The following RPTOR variants were observed in gnomAD, a reference collection of about 807,000 sequenced individuals.
RPTOR encodes the protein regulatory-associated protein of mTOR.
Under a neutral mutation model 169.9 loss-of-function variants are expected in RPTOR, and 21 were observed. That is an observed-to-expected ratio of 0.12 (90% CI 0.09 to 0.18). The LOEUF is 0.18. RPTOR is among the 10% of genes least tolerant of loss of function. RPTOR has a pLI of 1.00. For missense variants in RPTOR, 1,133 were observed against 1,855.9 expected (o/e 0.61, Z 7.16); for synonymous variants, 732 against 753.2 (o/e 0.97, Z 0.46).
In RPTOR at chr17:80,925,388, G is replaced by C; in HGVS notation, c.2827G>C (p.Asp943His). The C allele has an allele frequency of 6.2e-7, 1 of 1,613,664 alleles. No homozygotes were observed. The highest frequency in any genetic ancestry group is 1.1e-5 in the South Asian group (1 of 91,076). Residue 943 changes from aspartate to histidine, a missense_variant, in exon 24 of 34, where the codon GAT becomes CAT. Transcript: ENST00000306801. ...GPEQTADDAD[D>H]AAGHKSFISA... ...CCTGAAGACTGCGGACGACGCGGAC[G>C]ATGCTGCTGGACACAAAAGTTTCAT...
intron 6 of RPTOR, among the ~76,000 whole-genome samples, chr17:80,773,638 A>G (rs1009990109): frequency 2.0e-5 from 3 of 152,108 alleles, no homozygotes; most frequent in Non-Finnish European, 4.4e-5. Context: ...GTTTGTTTAC[A>G]AGGCAGCCCC....
chr17:80,588,653 A>C (rs542941218), intron 1 of RPTOR, among the ~76,000 whole-genome samples: 2 of 152,252 alleles, frequency 1.3e-5, no homozygotes, highest in African/African-American at 4.8e-5. Flanking sequence ...TTTCTTCATG[A>C]CTAATGAAAT....
At chr17:80,864,373 T>C (rs1483223924) in intron 13 of RPTOR, among the ~76,000 whole-genome samples, 1 of 145,870 alleles carries the variant, frequency 6.9e-6, no homozygotes, top group Non-Finnish European at 1.5e-5. Flanking sequence ...AAGGTGAGAA[T>C]GATGGCAAGT....
At chr17:80,689,870 T>C (rs1034290816) in intron 3 of RPTOR, among the ~76,000 whole-genome samples, 1 of 152,344 alleles carries the variant, frequency 6.6e-6, no homozygotes, top group Middle Eastern at 3.4e-3. Flanking sequence ...ATGTGTACCT[T>C]TGCTAAAAAC....
intron 19 of RPTOR, among the ~76,000 whole-genome samples, chr17:80,893,224 CTGTGTGTGCGCCGG>C (rs1359210403): frequency 1.3e-5 from 2 of 152,084 alleles, no homozygotes; most frequent in African/African-American, 2.4e-5. Flanking sequence ...GTGCCTGTGC[CTGTGTGTGCGCCGG>C]GGCGTGTGTG....
At chr17:80,828,008 G>A (rs563150806) in intron 9 of RPTOR, among the ~76,000 whole-genome samples, 2 of 152,214 alleles carry the variant, frequency 1.3e-5, no homozygotes, top group Admixed American at 1.3e-4. Flanking sequence ...AGCGGCGTAC[G>A]TGCTGAGTCA....
At chr17:80,916,007 T>C (rs982341383) in intron 21 of RPTOR, among the ~76,000 whole-genome samples, 5 of 152,156 alleles carry the variant, frequency 3.3e-5, no homozygotes, top group Non-Finnish European at 7.3e-5. Context: ...GCTATTCTGT[T>C]GCTCAGTAAA....
At chr17:80,900,095 C>T (rs1422151159) in intron 20 of RPTOR, among the ~76,000 whole-genome samples, 4 of 152,108 alleles carry the variant, frequency 2.6e-5, no homozygotes. Context: ...CAGAAGTGGG[C>T]GTCCTCCCTC....
At position 80,958,559 on chromosome 17, in the gene RPTOR, C is replaced by T. The variant is rs60404520; in HGVS notation, c.3477+829C>T. 4.5e-3 allele frequency among the ~76,000 whole-genome samples: 686 copies of T among 151,816 alleles called. 2 individuals carry two copies. Among genetic ancestry groups the T allele is most frequent in the African/African-American group, 0.016 (660 of 41,400 alleles). On this transcript the variant is annotated intron_variant, in intron 29 of 33. Transcript: ENST00000306801. ...CCGAGTAGCTGGGACTACAAGCGCC[C>T]ACCACCACGCCCAGCTAATTTTTTT...
intron 9 of RPTOR, among the ~76,000 whole-genome samples, chr17:80,831,689 C>CTGTG: frequency 6.6e-6 from 1 of 152,210 alleles, no homozygotes; most frequent in Non-Finnish European, 1.5e-5. Context: ...TTGTGTATCA[C>CTGTG]TATGTATCCC....
chr17:80,811,908 G>C (rs1261897166), intron 7 of RPTOR, among the ~76,000 whole-genome samples: 19 of 85,350 alleles, frequency 2.2e-4, no homozygotes, highest in East Asian at 6.4e-4. Flanking sequence ...CAACCTCACT[G>C]TACCCACAGG....
intron 1 of RPTOR, among the ~76,000 whole-genome samples, chr17:80,570,092 CAT>C (rs1240888718): frequency 1.3e-5 from 2 of 152,114 alleles, no homozygotes; most frequent in Non-Finnish European, 2.9e-5. Context: ...CTGTGGCCAT[CAT>C]GAACTCAGAC....
intron 1 of RPTOR, among the ~76,000 whole-genome samples, chr17:80,624,689 G>C (rs1474072438): frequency 6.6e-6 from 1 of 152,196 alleles, no homozygotes; most frequent in Non-Finnish European, 1.5e-5. Context: ...CTAGTTTTAT[G>C]AGAAAAAATT....
chr17:80,781,894 C>T (rs184588901), intron 6 of RPTOR, among the ~76,000 whole-genome samples: 1 of 152,356 alleles, frequency 6.6e-6, no homozygotes, highest in East Asian at 1.9e-4. Flanking sequence ...GTTTAGACCT[C>T]CTTCTAGCTG....
chr17:80,550,478 G>A (rs567108187), intron 1 of RPTOR, among the ~76,000 whole-genome samples: 35 of 152,184 alleles, frequency 2.3e-4, no homozygotes, highest in East Asian at 1.3e-3. Context: ...AGATCTCATC[G>A]GGGCCCATGA....
At chr17:80,856,926 C>G (rs1347909749) in intron 12 of RPTOR, among the ~76,000 whole-genome samples, 1 of 152,196 alleles carries the variant, frequency 6.6e-6, no homozygotes, top group Non-Finnish European at 1.5e-5. Flanking sequence ...CCCAGCCACC[C>G]GAACCAGAGA....
intron 2 of RPTOR, among the ~76,000 whole-genome samples, chr17:80,627,974 G>T (rs2065409328): frequency 6.6e-6 from 1 of 152,054 alleles, no homozygotes; most frequent in African/African-American, 2.4e-5. Context: ...GAGTAGCTGG[G>T]ATTACAAGCA....
At chr17:80,841,773 G>A (rs113180149) in intron 10 of RPTOR, among the ~76,000 whole-genome samples, 5,381 of 115,408 alleles carry the variant, frequency 0.047, 222 homozygotes, top group Non-Finnish European at 0.072. Context: ...CTCCCCGCAC[G>A]GCAGCTCACT....
At chr17:80,720,721 C>T (rs550863142) in intron 4 of RPTOR, among the ~76,000 whole-genome samples, 9 of 152,202 alleles carry the variant, frequency 5.9e-5, no homozygotes, top group Non-Finnish European at 1.0e-4. Flanking sequence ...TGCTTGAGTG[C>T]GCCCAGCATC....
Sources: gnomAD v4.1 joint callset for allele counts (sites outside exome capture counted in the v4.1 genomes callset) on GRCh38, gnomAD v4.1.1 for gene constraint, MANE v1.5 for transcripts, NCBI Gene and HGNC (gene_info 2026-07-23, HGNC 2026-07-21) for gene names.